Variants in PPP1R15A observed in about 807,000 individuals in gnomAD.
The protein encoded by PPP1R15A is protein phosphatase 1 regulatory subunit 15A, also known as growth arrest and DNA damage-inducible protein GADD34.
PPP1R15A carries 43 observed loss-of-function variants against 48.5 expected under a neutral mutation model. The ratio of observed to expected loss-of-function variants is 0.89; its 90% CI spans 0.69 to 1.14. PPP1R15A has a LOEUF of 1.14. PPP1R15A is among the 50% of genes most tolerant of loss of function. The probability of loss-of-function intolerance (pLI) is 0.00; values close to 1 mark genes in which losing one functional copy is unlikely to be tolerated. For missense variants in PPP1R15A, 868 were observed against 847.2 expected (o/e 1.02, Z -0.30); for synonymous variants, 327 against 327.4 (o/e 1.00, Z 0.01).
chr19:48,874,811 G>T lies in PPP1R15A; in HGVS notation c.1578G>T (p.Arg526Ser), dbSNP rs2037059989. ...EKPPPPWAPPRLPLRLQRRLK... is the reference protein window; with the variant it reads ...EKPPPPWAPPSLPLRLQRRLK... Reference sequence around the variant, plus strand: ...CACCGCCTCCCTGGGCTCCTCCTAGGCTGCCCCTCCGACTGCAAAGGCGGC... The same window carrying T: ...CACCGCCTCCCTGGGCTCCTCCTAGTCTGCCCCTCCGACTGCAAAGGCGGC... The change falls in exon 2 of 3, where the codon AGG becomes AGT. Residue 526 changes from arginine (R) to serine (S), a missense_variant. By Grantham distance (110) the Arg-to-Ser change is moderately radical (BLOSUM62 -1). Coordinates refer to ENST00000200453, the MANE Select transcript of PPP1R15A (RefSeq NM_014330.5). The T allele has an allele frequency of 6.2e-7, 1 of 1,613,718 alleles. No homozygotes were observed. Among genetic ancestry groups the T allele is most frequent in the African/African-American group, 1.3e-5 (1 of 75,030 alleles).
At position 48,874,832 on chromosome 19, in the gene PPP1R15A, G is replaced by T. The variant is rs202096859; in HGVS notation, c.1599G>T (p.Arg533Ser). 61 of 1,612,164 alleles carry T rather than the reference G, an allele frequency of 3.8e-5. No individual in the cohort carries two copies. In the East Asian group the frequency reaches 1.3e-3, roughly 34 times the overall value. Reference protein sequence around the residue: ...APPRLPLRLQRRLKRPETPTH... With the variant: ...APPRLPLRLQSRLKRPETPTH... ...CTAGGCTGCCCCTCCGACTGCAAAG[G>T]CGGCTCAAGCGCCCAGAAACCCCTA... Residue 533 changes from arginine (R) to serine (S), a missense_variant, in exon 2 of 3, where the codon AGG becomes AGT. Coordinates refer to ENST00000200453, the MANE Select transcript of PPP1R15A (RefSeq NM_014330.5).
rs2037044581 is a variant in PPP1R15A, at chr19:48,874,000, AC to A, written c.771del (p.Arg258GlyfsTer82). 6.2e-7 allele frequency: 1 copy of A among 1,613,780 alleles called. No individual in the cohort carries two copies. On this transcript the variant is annotated frameshift_variant, in exon 2 of 3. Coordinates refer to ENST00000200453, the MANE Select transcript of PPP1R15A (RefSeq NM_014330.5). LOFTEE classifies it high-confidence loss of function. The part of the protein sequence containing the change: ...TSVSPRSSGS[D>X]PRSWEYRSGE... Reference sequence around the variant, plus strand: ...GTGTCCCCCCGATCTTCAGGCTCCGACCCCAGGTCCTGGGAGTATCGTTCAG... The same window carrying A: ...GTGTCCCCCCGATCTTCAGGCTCCGACCCAGGTCCTGGGAGTATCGTTCAG...
At position 48,874,824 on chromosome 19, in the gene PPP1R15A, C is replaced by T. The variant is rs374652703; in HGVS notation, c.1591C>T (p.Leu531=). 1 of 1,613,146 alleles carries T rather than the reference C, an allele frequency of 6.2e-7. No individual in the cohort carries two copies. Among genetic ancestry groups the T allele is most frequent in the Non-Finnish European group, 8.5e-7 (1 of 1,179,784 alleles). The change falls in exon 2 of 3, where the codon CTG becomes TTG. Residue 531 remains leucine (L), a synonymous_variant. Transcript: ENST00000200453. ...PWAPPRLPLR[L]QRRLKRPETP... is the part of the protein sequence containing the mutation. ...GGCTCCTCCTAGGCTGCCCCTCCGACTGCAAAGGCGGCTCAAGCGCCCAGA... is the reference window on the plus strand; with the variant it reads ...GGCTCCTCCTAGGCTGCCCCTCCGATTGCAAAGGCGGCTCAAGCGCCCAGA...
Position 48,874,037 on chromosome 19 carries a change from C to T in PPP1R15A, c.804C>T (p.Ser268=), listed in dbSNP as rs200339215. 11 of 1,614,078 alleles carry T rather than the reference C, an allele frequency of 6.8e-6. No individual in the cohort carries two copies. Among genetic ancestry groups the T allele is most frequent in the African/African-American group, 2.7e-5 (2 of 75,004 alleles). Residue 268 remains serine, a synonymous_variant, in exon 2 of 3, where the codon TCC becomes TCT. Coordinates refer to ENST00000200453, the MANE Select transcript of PPP1R15A (RefSeq NM_014330.5). ...GGGAGTATCGTTCAGGAGAGGCGTC[C>T]GAGGAGAAGGAGGAAAAGGCACACA... is the stretch of plus-strand genomic sequence containing the variant. ...RSWEYRSGEA[S]EEKEEKAHKE...
chr19:48,875,549 C>T, intron 2 of PPP1R15A, 65 bp from the exon 3 acceptor site: 16 of 1,506,998 alleles, frequency 1.1e-5, no homozygotes, highest in Non-Finnish European at 1.4e-5. Flanking sequence ...CTCTTCCCCG[C>T]CCTCCCCATC....
intron 1 of PPP1R15A, 54 bp downstream of exon 1, chr19:48,872,705 A>G (rs1303504269): frequency 6.1e-6 from 2 of 330,410 alleles, no homozygotes; most frequent in Non-Finnish European, 1.2e-5. Context: ...GCCCGGATTT[A>G]GAAAGGAGAA....
Position 48,872,611 on chromosome 19 carries a change from C to T in PPP1R15A, c.-50C>T. On this transcript the variant is annotated 5_prime_UTR_variant, in exon 1 of 3. Transcript: ENST00000200453. ...CTGTGATCGCTTCTGGCAGACCGAA[C>T]CGGCGCTCCTGCCCCCGGGGTGACG... 1 of 397,514 alleles carries T rather than the reference C, an allele frequency of 2.5e-6. No individual in the cohort carries two copies. Among genetic ancestry groups the T allele is most frequent in the South Asian group, 1.7e-5 (1 of 58,424 alleles). The allele number at this position is 397,514 out of a possible 1,614,324, so 24.6% of individuals were successfully genotyped here. A position where few individuals can be genotyped will look rare whatever the true frequency, so the allele number is the denominator to read the frequency against.
Position 48,873,689 on chromosome 19 carries a change from A to G in PPP1R15A, c.456A>G (p.Gln152=). ...CCAGCCTTCTGATAAGGACACTGCA[A>G]GGTTCTGATAAGAACCCAGGGGAGG... ...LSPSLLIRTL[Q]GSDKNPGEEK... is the part of the protein sequence containing the mutation. The change falls in exon 2 of 3, where the codon CAA becomes CAG. Residue 152 remains glutamine, a synonymous_variant. Transcript: ENST00000200453. 6.2e-7 allele frequency: 1 copy of G among 1,614,206 alleles called. No individual in the cohort carries two copies. The highest frequency in any genetic ancestry group is 8.5e-7 in the Non-Finnish European group (1 of 1,180,038).
In PPP1R15A at chr19:48,875,560, C is replaced by T. The variant is rs528417901; in HGVS notation, c.1666-54C>T. 380 of 1,516,420 alleles carry T rather than the reference C, an allele frequency of 2.5e-4. 4 individuals are homozygous for T. In the East Asian group the frequency reaches 7.9e-3, roughly 32 times the overall value. The allele number at this position is 1,516,420 out of a possible 1,614,324, so 93.9% of individuals were successfully genotyped here. A position where few individuals can be genotyped will look rare whatever the true frequency, so the allele number is the denominator to read the frequency against. ...CTCTCTCTTCCCCGCCCTCCCCATC[C>T]GGATTCCCGTGGCTGTGTGCATCTC... On this transcript the variant is annotated intron_variant, in intron 2 of 2. Transcript: ENST00000200453.
At chr19:48,872,784 G>C in intron 1 of PPP1R15A, 133 bp downstream of exon 1, 1 of 278,770 alleles carries the variant, frequency 3.6e-6, no homozygotes, top group South Asian at 3.1e-5. Context: ...TGGGTCCCCC[G>C]TGAAGGAATC....
Position 48,874,788 on chromosome 19 carries a change from C to CCGCCTCCCTGGG in PPP1R15A, c.1557_1568dup (p.Trp522_Pro525dup). On this transcript the variant is annotated inframe_insertion, in exon 2 of 3. Coordinates refer to ENST00000200453, the MANE Select transcript of PPP1R15A (RefSeq NM_014330.5). ...CATCTATGTACCTGGAGAGAAGCCA[C>CCGCCTCCCTGGG]CGCCTCCCTGGGCTCCTCCTAGGCT... 6.2e-7 allele frequency: 1 copy of CCGCCTCCCTGGG among 1,614,078 alleles called. No individual in the cohort carries two copies. The highest frequency in any genetic ancestry group is 1.1e-5 in the South Asian group (1 of 91,090).
chr19:48,875,940 G>T lies in PPP1R15A; in HGVS notation c.1992G>T (p.Ala664=). The T allele has an allele frequency of 6.2e-7, 1 of 1,606,952 alleles. No individual in the cohort carries two copies. The highest frequency in any genetic ancestry group is 1.1e-5 in the South Asian group (1 of 90,790). Residue 664 remains alanine (A), a synonymous_variant, in exon 3 of 3, where the codon GCG becomes GCT. Transcript: ENST00000200453. ...ATPSRSSAAA[A]AALDLSGRRG ...CTTCCCGCTCGTCTGCTGCTGCAGC[G>T]GCTGCCCTGGACCTCAGTGGGAGGC...
intron 1 of PPP1R15A, 25 bp from the exon 2 acceptor site, chr19:48,873,200 T>TGAAA (rs2037029708): frequency 6.9e-7 from 1 of 1,456,166 alleles, no homozygotes; most frequent in Non-Finnish European, 9.1e-7. Context: ...CCCCTAAACT[T>TGAAA]TATTTTTTTC....
Position 48,875,837 on chromosome 19 carries a change from T to C in PPP1R15A, c.1889T>C (p.Leu630Pro), listed in dbSNP as rs953578810. ...RNPPLAPIPA[L>P]TQTLPSSSVP... Reference sequence around the variant, plus strand: ...CCACCTTTAGCCCCCATCCCTGCCCTCACCCAGACCTTGCCTTCCTCCTCT... The same window carrying C: ...CCACCTTTAGCCCCCATCCCTGCCCCCACCCAGACCTTGCCTTCCTCCTCT... Residue 630 changes from leucine (L) to proline (P), a missense_variant, in exon 3 of 3, where the codon CTC becomes CCC. By Grantham distance (98) the Leu-to-Pro change is moderately conservative. Transcript: ENST00000200453. 2 of 1,614,050 alleles carry C rather than the reference T, an allele frequency of 1.2e-6. No individual in the cohort carries two copies. The highest frequency in any genetic ancestry group is 1.7e-6 in the Non-Finnish European group (2 of 1,179,942).
chr19:48,873,301 C>G lies in PPP1R15A; in HGVS notation c.68C>G (p.Ser23Cys). 6.3e-7 allele frequency: 1 copy of G among 1,598,224 alleles called. No individual in the cohort carries two copies. The highest frequency in any genetic ancestry group is 8.5e-7 in the Non-Finnish European group (1 of 1,173,798). Residue 23 changes from serine (S) to cysteine (C), a missense_variant, in exon 2 of 3, where the codon TCC (serine) becomes TGC (cysteine). Coordinates refer to ENST00000200453, the MANE Select transcript of PPP1R15A (RefSeq NM_014330.5). ...WRDAHPFFLL[S>C]PVMGLLSRAW... Reference sequence around the variant, plus strand: ...GATGCCCACCCTTTCTTCCTCCTGTCCCCAGTGATGGGCCTCCTCAGCCGC... The same window carrying G: ...GATGCCCACCCTTTCTTCCTCCTGTGCCCAGTGATGGGCCTCCTCAGCCGC...
Position 48,874,077 on chromosome 19 carries a change from G to A in PPP1R15A, c.844G>A (p.Gly282Arg), listed in dbSNP as rs778644567. The A allele has an allele frequency of 6.2e-7, 1 of 1,614,212 alleles. No homozygotes were observed. Among genetic ancestry groups the A allele is most frequent in the South Asian group, 1.1e-5 (1 of 91,092 alleles). Residue 282 changes from glycine (G) to arginine (R), a missense_variant, in exon 2 of 3, where the codon GGA (glycine) becomes AGA (arginine). Physicochemically the swap from Gly to Arg is moderately radical, Grantham distance 125. Transcript: ENST00000200453. ...EEKAHKETGK[G>R]EAAPGPQSSA... The stretch of plus-strand genomic sequence containing the variant: ...AAAGGCACACAAAGAAACTGGGAAA[G>A]GAGAAGCTGCCCCAGGGCCGCAATC...
At position 48,872,450 on chromosome 19, in the gene PPP1R15A, A is replaced by G. The variant is rs1342094426; in HGVS notation, c.-211A>G. 1.3e-5 allele frequency: 6 copies of G among 456,242 alleles called. No homozygotes were observed. The highest frequency in any genetic ancestry group is 6.5e-4 in the Middle Eastern group (2 of 3,092). The allele number at this position is 456,242 out of a possible 1,614,324, so 28.3% of individuals were successfully genotyped here. A position where few individuals can be genotyped will look rare whatever the true frequency, so the allele number is the denominator to read the frequency against. ...TTATCGGTTCCCATCCCAGTTGTTG[A>G]TCTTATGCAAGACGCTGCACGACCC... On this transcript the variant is annotated 5_prime_UTR_variant, in exon 1 of 3. Transcript: ENST00000200453.
Position 48,874,213 on chromosome 19 carries a change from A to G in PPP1R15A, c.980A>G (p.Glu327Gly). Reference protein sequence around the residue: ...LGAAEKDGEAECPPCIPPPSA... With the variant: ...LGAAEKDGEAGCPPCIPPPSA... ...GCAGCTGAGAAGGATGGAGAAGCTG[A>G]GTGTCCTCCCTGCATCCCCCCACCA... Residue 327 changes from glutamate (E) to glycine (G), a missense_variant, in exon 2 of 3, where the codon GAG (glutamate) becomes GGG (glycine). Physicochemically the swap from Glu to Gly is moderately conservative, Grantham distance 98. Coordinates refer to ENST00000200453, the MANE Select transcript of PPP1R15A (RefSeq NM_014330.5). 6.2e-7 allele frequency: 1 copy of G among 1,614,198 alleles called. No individual in the cohort carries two copies. Among genetic ancestry groups the G allele is most frequent in the Non-Finnish European group, 8.5e-7 (1 of 1,180,046 alleles).
Position 48,872,495 on chromosome 19 carries a change from G to C in PPP1R15A, c.-166G>C, listed in dbSNP as rs926184418. On this transcript the variant is annotated 5_prime_UTR_variant, in exon 1 of 3. Transcript: ENST00000200453. Reference sequence around the variant, plus strand: ...CGACCCCGCGCCCGCTTGTCGCCACGGCACTTGAGGCAGCCGGAGATACTC... The same window carrying C: ...CGACCCCGCGCCCGCTTGTCGCCACCGCACTTGAGGCAGCCGGAGATACTC... 8 of 456,366 alleles carry C rather than the reference G, an allele frequency of 1.8e-5. No homozygotes were observed. The highest frequency in any genetic ancestry group is 1.0e-4 in the African/African-American group (5 of 50,072). The allele number at this position is 456,366 out of a possible 1,614,324, so 28.3% of individuals were successfully genotyped here. A position where few individuals can be genotyped will look rare whatever the true frequency, so the allele number is the denominator to read the frequency against.
Sources: allele counts gnomAD v4.1 joint callset, GRCh38; gene constraint gnomAD v4.1.1; transcripts MANE v1.5; gene names NCBI Gene and HGNC (gene_info 2026-07-23, HGNC 2026-07-21).